SYNE2: variants seen among roughly 807,000 people sequenced by gnomAD.
The protein encoded by SYNE2 is nesprin-2.
Under a neutral mutation model 856.3 loss-of-function variants are expected in SYNE2, and 431 were observed. The observed-to-expected ratio is 0.50, with a 90% CI of 0.47 to 0.55. The LOEUF is 0.55. Among genes scored for constraint, SYNE2 ranks in the 20% least tolerant of loss-of-function variants. The pLI is 0.00. For missense variants in SYNE2, 8,129 were observed against 8,023.2 expected, an observed-to-expected ratio of 1.01 and a Z score of -0.50; for synonymous variants, 2,923 against 2,872.3, an observed-to-expected ratio of 1.02 and a Z score of -0.56.
intron 1 of SYNE2, among the ~76,000 whole-genome samples, chr14:63,799,814 T>C (rs1888061512): frequency 6.6e-6 from 1 of 152,222 alleles, no homozygotes; most frequent in East Asian, 1.9e-4. Context: ...ACTTGAAAAA[T>C]GAACTTTCAC....
chr14:64,187,549 G>A (rs2098498413), intron 97 of SYNE2, among the ~76,000 whole-genome samples: 1 of 152,162 alleles, frequency 6.6e-6, no homozygotes, highest in African/African-American at 2.4e-5. Context: ...CCCGAGGAAT[G>A]GAAACACAAC....
At chr14:64,158,982 G>A (rs909736497) in intron 86 of SYNE2, among the ~76,000 whole-genome samples, 187 bp downstream of exon 86, 4 of 152,100 alleles carry the variant, frequency 2.6e-5, no homozygotes, top group African/African-American at 9.6e-5. Flanking sequence ...GTAAAACATT[G>A]TAAAATGTTT....
rs770143121 is a variant in SYNE2 at position 64,210,070 on chromosome 14, C to A, written c.18669C>A (p.Asn6223Lys). 1 of 1,614,118 alleles carries A rather than the reference C, an allele frequency of 6.2e-7. No individual in the cohort carries two copies. Among genetic ancestry groups the A allele is most frequent in the South Asian group, 1.1e-5 (1 of 91,084 alleles). The change falls in exon 103 of 116, where the codon AAC (asparagine) becomes AAA (lysine). Residue 6223 changes from asparagine to lysine, a missense_variant. Transcript: ENST00000555002. ...TGAAGCAGATGGTCCACGAGGGCAA[C>A]CAGCGCTGGGACAACCTTCAGAGGC... ...SRLKQMVHEG[N>K]QRWDNLQRRV...
At chr14:64,049,173 G>T (rs1471415453) in intron 46 of SYNE2, 1 of 152,252 alleles carries the variant, frequency 6.6e-6, no homozygotes, top group Admixed American at 6.5e-5. Context: ...TAGGGATGTG[G>T]TAGCTCATGG....
chr14:63,898,685 A>G (rs1463116880), intron 1 of SYNE2, among the ~76,000 whole-genome samples: 2 of 152,158 alleles, frequency 1.3e-5, no homozygotes, highest in East Asian at 1.9e-4. Flanking sequence ...GATTACAGGC[A>G]TGAATCACTG....
In SYNE2 at chr14:64,219,100, TTTTG is replaced by T. The variant is rs377462971; in HGVS notation, c.19658-104_19658-101del. 3,416 of 745,636 alleles carry T rather than the reference TTTTG, an allele frequency of 4.6e-3. 40 individuals are homozygous for T. Among genetic ancestry groups the T allele is most frequent in the Non-Finnish European group, 5.1e-3 (2,626 of 510,896 alleles). The allele number at this position is 745,636 out of a possible 1,614,324, so 46.2% of individuals were successfully genotyped here. A position where few individuals can be genotyped will look rare whatever the true frequency, so the allele number is the denominator to read the frequency against. ...CTGTCAGGGGAATCCCCTACAGTTTTTTTGTTTTTTTTTTTTTTTTTTTTAACCA... is the reference window on the plus strand; with the variant it reads ...CTGTCAGGGGAATCCCCTACAGTTTTTTTTTTTTTTTTTTTTTTTTAACCA... On this transcript the variant is annotated intron_variant, in intron 109 of 115. Coordinates refer to ENST00000555002, the MANE Select transcript of SYNE2 (RefSeq NM_182914.3).
At chr14:64,107,733 T>A in intron 65 of SYNE2, 126 bp downstream of exon 65, 1 of 814,580 alleles carries the variant, frequency 1.2e-6, no homozygotes. Flanking sequence ...CTTTAACATA[T>A]GAAGATATGT....
intron 109 of SYNE2, 124 bp from the exon 110 acceptor site, chr14:64,219,084 G>A: frequency 1.1e-6 from 1 of 883,392 alleles, no homozygotes; most frequent in East Asian, 2.8e-5. Context: ...TCTGTCAGGG[G>A]AATCCCCTAC....
intron 1 of SYNE2, among the ~76,000 whole-genome samples, chr14:63,768,603 A>G (rs1886777100): frequency 6.6e-6 from 1 of 152,220 alleles, no homozygotes; most frequent in African/African-American, 2.4e-5. Context: ...GCAATCAAAC[A>G]TAAAATTGTT....
At chr14:63,773,545 C>G (rs1010647648) in intron 1 of SYNE2, among the ~76,000 whole-genome samples, 3 of 152,056 alleles carry the variant, frequency 2.0e-5, no homozygotes, top group Non-Finnish European at 2.9e-5. Flanking sequence ...TAAGTTTTTT[C>G]TTTGTTTGTT....
Position 64,052,491 on chromosome 14 carries a change from A to C in SYNE2, c.8578A>C (p.Arg2860=), listed in dbSNP as rs2097234960. ...VQESETLIIP[R]VETAATEAEL... ...AGAAAGTGAAACACTGATAATTCCC[A>C]GGGTGGAGACAGCTGCCACGGAAGC... Residue 2860 remains arginine (R), a synonymous_variant, in exon 48 of 116, where the codon AGG becomes CGG. Transcript: ENST00000555002. 1.2e-6 allele frequency: 2 copies of C among 1,613,942 alleles called. No individual in the cohort carries two copies. The highest frequency in any genetic ancestry group is 2.7e-5 in the African/African-American group (2 of 74,946).
intron 41 of SYNE2, 30 bp downstream of exon 41, chr14:64,025,451 T>C: frequency 6.2e-7 from 1 of 1,600,384 alleles, no homozygotes; most frequent in South Asian, 1.1e-5. Context: ...ATTTCAGAAG[T>C]CTGAGTGAAC....
chr14:64,100,531 A>AAAAAAATATATAT (rs1491537041), intron 63 of SYNE2, among the ~76,000 whole-genome samples: 1 of 39,494 alleles, frequency 2.5e-5, no homozygotes, highest in Non-Finnish European at 4.7e-5. Flanking sequence ...AAAAAAAAAA[A>AAAAAAATATATAT]ATATATATAT....
At chr14:63,981,220 T>TTTATTTTGTGACCCTCATTTTC in intron 16 of SYNE2, 47 bp downstream of exon 16, 1 of 1,491,860 alleles carries the variant, frequency 6.7e-7, no homozygotes, top group Non-Finnish European at 9.3e-7. Context: ...TTTTAATTGT[T>TTTATTTTGTGACCCTCATTTTC]TTATTTTGTG....
chr14:64,173,873 A>G (rs982114785), intron 94 of SYNE2: 2 of 654,074 alleles, frequency 3.1e-6, no homozygotes, highest in Non-Finnish European at 2.7e-6. Context: ...TTGTATTATA[A>G]ATACCTAGTT....
Position 64,031,042 on chromosome 14 carries a change from A to G in SYNE2, c.6906A>G (p.Gln2302=). 6.2e-7 allele frequency: 1 copy of G among 1,614,016 alleles called. No individual in the cohort carries two copies. The highest frequency in any genetic ancestry group is 8.5e-7 in the Non-Finnish European group (1 of 1,179,952). ...AACTAGAGAATAGACTCAGTTTACA[A>G]GATGGCACATTAAAGAAGATTTTAG... ...LQELENRLSL[Q]DGTLKKILAL... The change falls in exon 45 of 116, where the codon CAA becomes CAG. Residue 2302 remains glutamine, a synonymous_variant. Coordinates refer to ENST00000555002, the MANE Select transcript of SYNE2 (RefSeq NM_182914.3).
intron 35 of SYNE2, 113 bp downstream of exon 35, chr14:64,020,206 A>G: frequency 1.3e-6 from 1 of 749,086 alleles, no homozygotes; most frequent in Non-Finnish European, 2.3e-6. Context: ...AAGAAGAAAA[A>G]AACGGCCCAA....
At chr14:64,118,181 C>T (rs1046146747) in intron 66 of SYNE2, among the ~76,000 whole-genome samples, 1 of 151,858 alleles carries the variant, frequency 6.6e-6, no homozygotes, top group East Asian at 1.9e-4. Context: ...AGTCACGCAC[C>T]GAGTTTTAGT....
At chr14:64,047,947 G>C in intron 45 of SYNE2, 53 bp from the exon 46 acceptor site, 1 of 1,567,382 alleles carries the variant, frequency 6.4e-7, no homozygotes. Flanking sequence ...AAAATAAAAA[G>C]GATTTATTTG....
Sources: gnomAD v4.1 joint callset for allele counts (sites outside exome capture counted in the v4.1 genomes callset) on GRCh38, gnomAD v4.1.1 for gene constraint, MANE v1.5 for transcripts, NCBI Gene and HGNC (gene_info 2026-07-23, HGNC 2026-07-21) for gene names.